LGSN: variants seen among roughly 807,000 people sequenced by gnomAD.
The protein encoded by LGSN is lengsin, lens protein with glutamine synthetase domain, also known as lengsin.
A neutral mutation model predicts 19.5 loss-of-function variants in LGSN; 21 were observed. The observed-to-expected ratio is 1.07, with a 90% CI of 0.76 to 1.55. The LOEUF (loss-of-function observed/expected upper bound fraction) is 1.55, where lower values mean the gene tolerates loss of function less well. Among genes scored for constraint, LGSN ranks in the 40% most tolerant of loss-of-function variants. The pLI is 0.00. For synonymous variants in LGSN, 257 were observed against 215.6 expected (o/e 1.19, Z -1.68); for missense variants, 673 against 608.5 (o/e 1.11, Z -1.12).
At chr6:63,548,465 A>T in the LGSN span, among the ~76,000 whole-genome samples, 1 of 152,170 alleles carries the variant, frequency 6.6e-6, no homozygotes, top group Admixed American at 6.6e-5. Flanking sequence ...ATTCCTACAT[A>T]GGTGCTCTCA....
the LGSN span, among the ~76,000 whole-genome samples, chr6:63,357,867 T>C: frequency 6.6e-6 from 1 of 152,124 alleles, no homozygotes; most frequent in African/African-American, 2.4e-5. Flanking sequence ...TTGGCTTTTG[T>C]TGCCATTGCT....
chr6:63,434,952 G>A, the LGSN span, among the ~76,000 whole-genome samples: 2 of 152,288 alleles, frequency 1.3e-5, no homozygotes, highest in Admixed American at 1.3e-4. Flanking sequence ...CTTTGCCAAA[G>A]AAACTTTTCT....
the LGSN span, among the ~76,000 whole-genome samples, chr6:63,439,175 A>C: frequency 6.6e-6 from 1 of 151,590 alleles, no homozygotes; most frequent in Non-Finnish European, 1.5e-5. Flanking sequence ...GGACACAGGA[A>C]GGGGAACATC....
intron 1 of LGSN, among the ~76,000 whole-genome samples, chr6:63,299,162 A>G (rs574981501): frequency 2.6e-5 from 4 of 152,234 alleles, no homozygotes; most frequent in Non-Finnish European, 5.9e-5. Context: ...ACTTAAAAAG[A>G]CTGCCTATTG....
At chr6:63,412,738 A>G in the LGSN span, among the ~76,000 whole-genome samples, 1,079 of 54,020 alleles carry the variant, frequency 0.02, 9 homozygotes, top group African/African-American at 0.09. Context: ...AAAGAAAGAA[A>G]GAAAGAAAGA....
At chr6:63,549,716 A>G in the LGSN span, among the ~76,000 whole-genome samples, 1 of 152,192 alleles carries the variant, frequency 6.6e-6, no homozygotes. Flanking sequence ...CCTAAAGTTA[A>G]ACACAGATTG....
Position 63,279,912 on chromosome 6 carries a change from A to T in LGSN, c.*109T>A. ...AAAAAAAAAAGTCAAAAGCATTCGTAATCTTGTTATTGTTGCTGTTGTTAA... is the reference window on the plus strand; with the variant it reads ...AAAAAAAAAAGTCAAAAGCATTCGTTATCTTGTTATTGTTGCTGTTGTTAA... On this transcript the variant is annotated 3_prime_UTR_variant, in exon 4 of 4. Transcript: ENST00000370657. 1 of 1,060,770 alleles carries T rather than the reference A, an allele frequency of 9.4e-7. No homozygotes were observed. The highest frequency in any genetic ancestry group is 1.4e-6 in the Non-Finnish European group (1 of 728,770). 65.7% of individuals were successfully genotyped at this position (1,060,770 alleles called of 1,614,324 possible).
the LGSN span, among the ~76,000 whole-genome samples, chr6:63,371,853 G>T: frequency 6.6e-6 from 1 of 152,204 alleles, no homozygotes; most frequent in Non-Finnish European, 1.5e-5. Context: ...TTTTGGTAAA[G>T]AACTGCTTAT....
At chr6:63,439,584 C>T in the LGSN span, among the ~76,000 whole-genome samples, 7 of 152,100 alleles carry the variant, frequency 4.6e-5, no homozygotes, top group Non-Finnish European at 8.8e-5. Context: ...GACAGGAGGT[C>T]ATTTTACATT....
chr6:63,441,070 G>A, the LGSN span: 5 of 169,646 alleles, frequency 2.9e-5, no homozygotes, highest in East Asian at 1.8e-4. Flanking sequence ...TTTGCCAGGC[G>A]TGGTGGTGCA....
the LGSN span, among the ~76,000 whole-genome samples, chr6:63,436,110 C>T: frequency 2.9e-3 from 441 of 152,224 alleles, 3 homozygotes; most frequent in African/African-American, 0.01. Flanking sequence ...CCTGGAAGAA[C>T]ATTGCTGACC....
At chr6:63,308,045 G>T (rs1297429109) in intron 1 of LGSN, among the ~76,000 whole-genome samples, 1 of 152,198 alleles carries the variant, frequency 6.6e-6, no homozygotes, top group African/African-American at 2.4e-5. Context: ...TTCAGCTGAA[G>T]ATAGGGAGTG....
At chr6:63,508,296 G>A in the LGSN span, among the ~76,000 whole-genome samples, 8 of 152,164 alleles carry the variant, frequency 5.3e-5, no homozygotes, top group Non-Finnish European at 1.2e-4. Context: ...TGGTTATAGA[G>A]ATAGCCAGAT....
the LGSN span, among the ~76,000 whole-genome samples, chr6:63,497,061 TC>T: frequency 6.6e-6 from 1 of 151,966 alleles, no homozygotes; most frequent in Non-Finnish European, 1.5e-5. Context: ...AATCTCAAAC[TC>T]CTGGGCTCAA....
intron 1 of LGSN, among the ~76,000 whole-genome samples, chr6:63,301,014 G>T (rs750828136): frequency 5.3e-5 from 8 of 152,104 alleles, no homozygotes; most frequent in Non-Finnish European, 1.0e-4. Flanking sequence ...AATTTAGCTG[G>T]CCACGATGTC....
chr6:63,419,486 C>A, the LGSN span, among the ~76,000 whole-genome samples: 1 of 152,152 alleles, frequency 6.6e-6, no homozygotes, highest in Non-Finnish European at 1.5e-5. Flanking sequence ...TCCTCCCTGA[C>A]CAGCCATGCT....
the LGSN span, chr6:63,549,465 G>T: frequency 1.3e-6 from 1 of 794,192 alleles, no homozygotes; most frequent in Non-Finnish European, 2.2e-6. Context: ...CGACAGCAGG[G>T]CCGGAGCCAC....
intron 2 of LGSN, among the ~76,000 whole-genome samples, chr6:63,286,358 T>C (rs1767536277): frequency 6.6e-6 from 1 of 152,206 alleles, no homozygotes; most frequent in African/African-American, 2.4e-5. Flanking sequence ...TTTTTAAGAA[T>C]GAGAGTGTAG....
At chr6:63,388,075 C>T in the LGSN span, among the ~76,000 whole-genome samples, 2 of 151,114 alleles carry the variant, frequency 1.3e-5, no homozygotes, top group Admixed American at 6.6e-5. Flanking sequence ...GCGGTTTCAC[C>T]ATGTTAGGCA....
Sources: gnomAD v4.1 joint callset for allele counts (sites outside exome capture counted in the v4.1 genomes callset) on GRCh38, gnomAD v4.1.1 for gene constraint, MANE v1.5 for transcripts, NCBI Gene and HGNC (gene_info 2026-07-23, HGNC 2026-07-21) for gene names.